Variants in SNTG1 observed in about 807,000 individuals in gnomAD.
SNTG1 encodes syntrophin gamma 1, also known as gamma-1-syntrophin.
A neutral mutation model predicts 74.7 loss-of-function variants in SNTG1; 39 were observed. The observed-to-expected ratio is 0.52, with a 90% CI of 0.40 to 0.68. SNTG1 has a LOEUF of 0.68. SNTG1 is among the 30% of genes least tolerant of loss of function. The pLI is 0.00. For missense variants in SNTG1, 685 were observed against 609.5 expected (o/e 1.12, Z -1.30); for synonymous variants, 254 against 217.1 (o/e 1.17, Z -1.49).
intron 2 of SNTG1, among the ~76,000 whole-genome samples, chr8:50,319,625 TG>T (rs2090452061): frequency 6.6e-6 from 1 of 152,198 alleles, no homozygotes; most frequent in African/African-American, 2.4e-5. Context: ...GCGGTGAAAG[TG>T]GGCATCCTTG....
chr8:50,745,034 A>C (rs1297721413), intron 17 of SNTG1, among the ~76,000 whole-genome samples: 2 of 152,034 alleles, frequency 1.3e-5, no homozygotes, highest in African/African-American at 4.8e-5. Flanking sequence ...AGGCAACAAA[A>C]TAAAAGATAG....
At chr8:49,924,206 C>T (rs185357507) in intron 1 of SNTG1, among the ~76,000 whole-genome samples, 120 of 152,176 alleles carry the variant, frequency 7.9e-4, no homozygotes, top group Middle Eastern at 6.8e-3. Flanking sequence ...TAAGTTTCAC[C>T]GGTAGTATCT....
chr8:50,533,566 A>G (rs1204606100), intron 10 of SNTG1, among the ~76,000 whole-genome samples: 1 of 151,502 alleles, frequency 6.6e-6, no homozygotes, highest in Admixed American at 6.6e-5. Flanking sequence ...AAATAAATAA[A>G]CTACTATTCC....
chr8:49,951,704 C>A (rs1027155613), intron 1 of SNTG1, among the ~76,000 whole-genome samples: 11 of 151,150 alleles, frequency 7.3e-5, no homozygotes, highest in African/African-American at 2.7e-4. Context: ...CACATGTATA[C>A]ATATGTAACT....
At chr8:50,653,215 G>A (rs1293128482) in intron 13 of SNTG1, among the ~76,000 whole-genome samples, 1 of 151,894 alleles carries the variant, frequency 6.6e-6, no homozygotes, top group Non-Finnish European at 1.5e-5. Flanking sequence ...AGTCCTAGAC[G>A]ATCAGCTCGC....
At chr8:50,060,883 C>A (rs1286318014) in intron 1 of SNTG1, among the ~76,000 whole-genome samples, 1 of 152,072 alleles carries the variant, frequency 6.6e-6, no homozygotes, top group Non-Finnish European at 1.5e-5. Context: ...GCATGTCAAA[C>A]CAGCAATCCC....
At chr8:50,400,123 G>A (rs117510177) in intron 3 of SNTG1, among the ~76,000 whole-genome samples, 2,182 of 152,190 alleles carry the variant, frequency 0.014, 33 homozygotes, top group Non-Finnish European at 0.021. Flanking sequence ...ATATTACAGC[G>A]GATTCTTTTA....
At chr8:50,130,199 T>C (rs1003613605) in intron 1 of SNTG1, among the ~76,000 whole-genome samples, 5 of 152,116 alleles carry the variant, frequency 3.3e-5, no homozygotes, top group Non-Finnish European at 7.4e-5. Flanking sequence ...TAAGTTATCC[T>C]GAATGTAGAA....
chr8:50,419,012 TA>T (rs548941203), intron 4 of SNTG1, among the ~76,000 whole-genome samples: 179 of 151,952 alleles, frequency 1.2e-3, no homozygotes, highest in East Asian at 4.3e-3. Context: ...TATTATCTTT[TA>T]AAAAAAATAC....
intron 4 of SNTG1, among the ~76,000 whole-genome samples, chr8:50,413,316 ATTAAT>A (rs2092973243): frequency 1.3e-5 from 2 of 152,322 alleles, no homozygotes; most frequent in Middle Eastern, 3.4e-3. Context: ...GTATCAATAG[ATTAAT>A]TTAACACTGT....
intron 12 of SNTG1, among the ~76,000 whole-genome samples, chr8:50,565,195 T>G (rs1346560392): frequency 1.3e-5 from 2 of 151,922 alleles, no homozygotes; most frequent in African/African-American, 2.4e-5. Context: ...AAGGAAAAAT[T>G]AAACTGTTAT....
rs558271827 is a variant in SNTG1 at position 50,765,111 on chromosome 8, A to G, written c.1395+13000A>G. On this transcript the variant is annotated intron_variant, in intron 18 of 18. Coordinates refer to ENST00000642720, the MANE Select transcript of SNTG1 (RefSeq NM_018967.5). The stretch of plus-strand genomic sequence containing the variant: ...TTACAGAGACTGGAGAATAGGGGGA[A>G]TGGAGAGATTTTGGTCAAAAGGTAC... Among the ~76,000 whole-genome samples the G allele has an allele frequency of 3.3e-5, 5 of 152,112 alleles. No individual in the cohort carries two copies. The South Asian group carries it at 1.0e-3, about 32-fold the overall frequency.
intron 1 of SNTG1, among the ~76,000 whole-genome samples, chr8:50,118,001 A>C (rs2080879417): frequency 6.6e-6 from 1 of 152,120 alleles, no homozygotes; most frequent in South Asian, 2.1e-4. Flanking sequence ...CCACTGCAGA[A>C]GACTGAGCAC....
At chr8:50,291,193 C>T (rs1033797527) in intron 2 of SNTG1, among the ~76,000 whole-genome samples, 13 of 151,268 alleles carry the variant, frequency 8.6e-5, no homozygotes, top group African/African-American at 2.4e-4. Context: ...CTTGCCTATT[C>T]GAAAGAGACA....
chr8:50,494,016 A>T lies in SNTG1; in HGVS notation c.364-8762A>T, dbSNP rs568260073. 5.5e-4 allele frequency among the ~76,000 whole-genome samples: 83 copies of T among 151,478 alleles called. No homozygotes were observed. The South Asian group carries it at 7.3e-3, about 13-fold the overall frequency. ...GATATGCCAGGGAATTTTTTTTTCTATTCCTACTTTTCTTAGAGTTTTCAT... is the reference window on the plus strand; with the variant it reads ...GATATGCCAGGGAATTTTTTTTTCTTTTCCTACTTTTCTTAGAGTTTTCAT... On this transcript the variant is annotated intron_variant, in intron 8 of 18. Coordinates refer to ENST00000642720, the MANE Select transcript of SNTG1 (RefSeq NM_018967.5).
intron 12 of SNTG1, among the ~76,000 whole-genome samples, chr8:50,577,474 T>C (rs1482231245): frequency 6.6e-6 from 1 of 151,268 alleles, no homozygotes; most frequent in Non-Finnish European, 1.5e-5. Context: ...TTTTTTTTTC[T>C]TCTGGTGTCT....
At chr8:50,086,778 A>G (rs1822926207) in intron 1 of SNTG1, among the ~76,000 whole-genome samples, 2 of 152,140 alleles carry the variant, frequency 1.3e-5, no homozygotes, top group Non-Finnish European at 2.9e-5. Flanking sequence ...AAGGAAACAA[A>G]CCAAAAACTC....
chr8:50,388,927 G>A (rs1261405581), intron 2 of SNTG1, among the ~76,000 whole-genome samples: 1 of 152,144 alleles, frequency 6.6e-6, no homozygotes, highest in Non-Finnish European at 1.5e-5. Flanking sequence ...AGTCTTCAAT[G>A]TGATTGTGGC....
intron 17 of SNTG1, among the ~76,000 whole-genome samples, chr8:50,711,664 C>T (rs1328059369): frequency 6.6e-6 from 1 of 152,168 alleles, no homozygotes; most frequent in Non-Finnish European, 1.5e-5. Context: ...TACTTACCAC[C>T]TGTGCTTGGA....
Sources: allele counts gnomAD v4.1 joint callset (sites outside exome capture counted in the v4.1 genomes callset), GRCh38; gene constraint gnomAD v4.1.1; transcripts MANE v1.5; gene names NCBI Gene and HGNC (gene_info 2026-07-23, HGNC 2026-07-21).